Variants in MAF observed in about 807,000 individuals in gnomAD.
The protein encoded by MAF is MAF bZIP transcription factor.
A neutral mutation model predicts 22.0 loss-of-function variants in MAF; 10 were observed. The observed-to-expected ratio is 0.45, with a 90% CI of 0.28 to 0.77. The LOEUF (loss-of-function observed/expected upper bound fraction) is 0.77. Among genes scored for constraint, MAF ranks in the 30% least tolerant of loss-of-function variants. MAF has a pLI of 0.12. For missense variants in MAF, 544 were observed against 548.4 expected, an observed-to-expected ratio of 0.99 and a Z score of 0.08; for synonymous variants, 337 against 255.8, an observed-to-expected ratio of 1.32 and a Z score of -3.03.
chr16:79,451,696 C>T, the MAF span, among the ~76,000 whole-genome samples: 1 of 151,954 alleles, frequency 6.6e-6, no homozygotes, highest in Non-Finnish European at 1.5e-5. Context: ...AAAATATGCT[C>T]ATTGAAAAAA....
chr16:79,215,868 C>T, the MAF span, among the ~76,000 whole-genome samples: 3 of 151,964 alleles, frequency 2.0e-5, no homozygotes, highest in Non-Finnish European at 4.4e-5. Flanking sequence ...AAGTTATCTA[C>T]GTTACTTGAA....
At chr16:79,513,432 T>C in the MAF span, among the ~76,000 whole-genome samples, 11 of 152,354 alleles carry the variant, frequency 7.2e-5, no homozygotes, top group Admixed American at 3.9e-4. Context: ...TTTGAGATAA[T>C]AGACGTGCTA....
the MAF span, among the ~76,000 whole-genome samples, chr16:79,456,488 C>T: frequency 4.9e-4 from 74 of 152,280 alleles, no homozygotes; most frequent in African/African-American, 1.6e-3. Context: ...CCAGTGGGAT[C>T]CCCTTACATT....
At chr16:79,308,440 A>C in the MAF span, among the ~76,000 whole-genome samples, 1 of 152,166 alleles carries the variant, frequency 6.6e-6, no homozygotes, top group Middle Eastern at 3.4e-3. Context: ...AAATAACCTC[A>C]ATGAGCCTCT....
At chr16:79,285,476 G>C in the MAF span, among the ~76,000 whole-genome samples, 4 of 152,094 alleles carry the variant, frequency 2.6e-5, no homozygotes, top group Non-Finnish European at 4.4e-5. Context: ...TTGGTCCCTG[G>C]ACACCTACAT....
chr16:79,246,776 A>G, the MAF span, among the ~76,000 whole-genome samples: 1 of 152,168 alleles, frequency 6.6e-6, no homozygotes, highest in African/African-American at 2.4e-5. Flanking sequence ...TACCCAAGAA[A>G]AAAGTCCAAG....
chr16:79,216,899 T>A, the MAF span, among the ~76,000 whole-genome samples: 2 of 150,994 alleles, frequency 1.3e-5, no homozygotes, highest in Non-Finnish European at 2.9e-5. Context: ...CACAGCCACC[T>A]CCGGGGTTCA....
the MAF span, among the ~76,000 whole-genome samples, chr16:79,329,800 T>C: frequency 6.6e-6 from 1 of 152,220 alleles, no homozygotes; most frequent in Non-Finnish European, 1.5e-5. Context: ...TCTACTTAAA[T>C]ACAGCTTCAA....
At chr16:79,492,887 G>A in the MAF span, among the ~76,000 whole-genome samples, 1 of 152,158 alleles carries the variant, frequency 6.6e-6, no homozygotes, top group African/African-American at 2.4e-5. Context: ...TGATTGGGAG[G>A]GCTATGAAGG....
At chr16:79,573,148 C>G in the MAF span, among the ~76,000 whole-genome samples, 2 of 152,118 alleles carry the variant, frequency 1.3e-5, no homozygotes, top group African/African-American at 4.8e-5. Context: ...TTTCCAGGAG[C>G]TATTTATATT....
the MAF span, among the ~76,000 whole-genome samples, chr16:79,215,279 G>C: frequency 2.0e-5 from 3 of 152,026 alleles, no homozygotes; most frequent in Admixed American, 2.0e-4. Context: ...ATGGGGTCTT[G>C]CTATGTTGAC....
chr16:79,220,538 G>C, the MAF span, among the ~76,000 whole-genome samples: 3 of 152,250 alleles, frequency 2.0e-5, no homozygotes, highest in Admixed American at 6.5e-5. Context: ...CTAGCGAACA[G>C]ATAGATATAT....
At chr16:79,541,716 G>A in the MAF span, among the ~76,000 whole-genome samples, 1 of 148,522 alleles carries the variant, frequency 6.7e-6, no homozygotes, top group African/African-American at 2.5e-5. Flanking sequence ...CCAGGCTGGA[G>A]TGCAATCTTA....
chr16:79,465,330 T>A, the MAF span, among the ~76,000 whole-genome samples: 7 of 152,298 alleles, frequency 4.6e-5, no homozygotes, highest in South Asian at 2.1e-4. Context: ...TGGTGGCTTA[T>A]GCCTGTAATC....
chr16:79,367,523 T>A, the MAF span, among the ~76,000 whole-genome samples: 1 of 152,168 alleles, frequency 6.6e-6, no homozygotes, highest in Non-Finnish European at 1.5e-5. Context: ...TGTCAAGTGG[T>A]GGTTCTTGGA....
the MAF span, among the ~76,000 whole-genome samples, chr16:79,312,795 G>A: frequency 6.6e-6 from 1 of 152,184 alleles, no homozygotes; most frequent in East Asian, 1.9e-4. Flanking sequence ...CGGTGATAAG[G>A]GTATTTGATG....
chr16:79,553,100 C>A, the MAF span, among the ~76,000 whole-genome samples: 3 of 152,226 alleles, frequency 2.0e-5, no homozygotes, highest in African/African-American at 4.8e-5. Context: ...CCCAACTTGG[C>A]AGAGTTGAGA....
chr16:79,358,170 G>C, the MAF span, among the ~76,000 whole-genome samples: 70 of 152,270 alleles, frequency 4.6e-4, 1 homozygote, highest in Middle Eastern at 6.8e-3. Flanking sequence ...CAGCTAAACT[G>C]TTTGCTTTTC....
At chr16:79,211,855 T>C in the MAF span, 3 of 1,605,944 alleles carry the variant, frequency 1.9e-6, no homozygotes, top group Non-Finnish European at 2.5e-6. Flanking sequence ...CTCACGCAAG[T>C]GCCAGGGCTG....
Sources: allele counts gnomAD v4.1 joint callset (sites outside exome capture counted in the v4.1 genomes callset), GRCh38; gene constraint gnomAD v4.1.1; transcripts MANE v1.5; gene names NCBI Gene and HGNC (gene_info 2026-07-23, HGNC 2026-07-21).